Variants in LUC7L2 observed in about 807,000 individuals in gnomAD.
LUC7L2 encodes the protein LUC7 like 2, pre-mRNA splicing factor.
LUC7L2 carries 25 observed loss-of-function variants against 52.8 expected under a neutral mutation model. The observed-to-expected ratio is 0.47, with a 90% CI of 0.34 to 0.66. The LOEUF (loss-of-function observed/expected upper bound fraction) is 0.66, where lower values mean the gene tolerates loss of function less well. Ranked by LOEUF, LUC7L2 falls within the 30% of genes least tolerant of loss-of-function variation. The probability of loss-of-function intolerance (pLI) is 0.01; values close to 1 mark genes in which losing one functional copy is unlikely to be tolerated. For synonymous variants in LUC7L2, 144 were observed against 160.9 expected, an observed-to-expected ratio of 0.89 and a Z score of 0.80; for missense variants, 328 against 497.8, an observed-to-expected ratio of 0.66 and a Z score of 3.25.
At chr7:139,356,789 C>T (rs552630777), upstream of LUC7L2, among the ~76,000 whole-genome samples, 6 of 152,130 alleles carry the variant, frequency 3.9e-5, no homozygotes, top group Admixed American at 6.5e-5. Context: ...AAAAATAGGC[C>T]GTGGGCTGCA....
At chr7:139,387,881 G>A (rs760688152) in intron 2 of LUC7L2, among the ~76,000 whole-genome samples, 10 of 152,118 alleles carry the variant, frequency 6.6e-5, no homozygotes, top group African/African-American at 1.4e-4. Flanking sequence ...GCCTCACAAA[G>A]TGTTGGGATT....
At chr7:139,359,839 G>T (rs1290708726), upstream of LUC7L2, 2 of 409,168 alleles carry the variant, frequency 4.9e-6, no homozygotes, top group Admixed American at 4.4e-5. Flanking sequence ...TGATACAGCT[G>T]GACGCCAGTT....
intron 2 of LUC7L2, among the ~76,000 whole-genome samples, chr7:139,395,522 A>G (rs373128607): frequency 1.3e-5 from 2 of 152,238 alleles, no homozygotes; most frequent in East Asian, 3.8e-4. Flanking sequence ...GACTTTTATA[A>G]CAGTGATGAG....
chr7:139,381,878 A>AT (rs57302073), intron 2 of LUC7L2, among the ~76,000 whole-genome samples: 3,942 of 104,920 alleles, frequency 0.038, 184 homozygotes, highest in Admixed American at 0.097. Context: ...GCCTGGCCTA[A>AT]TTTTTTTTTT....
intron 1 of LUC7L2, among the ~76,000 whole-genome samples, chr7:139,342,970 C>G (rs1391513744): frequency 6.6e-6 from 1 of 152,198 alleles, no homozygotes; most frequent in African/African-American, 2.4e-5. Flanking sequence ...TTTCTCTATC[C>G]TTTCCCTCCG....
upstream of LUC7L2, chr7:139,359,215 G>C: frequency 6.6e-6 from 1 of 152,244 alleles, no homozygotes; most frequent in Non-Finnish European, 1.5e-5. Context: ...CGCCTCCCCA[G>C]TAGCTGAGAA....
intron 1 of LUC7L2, among the ~76,000 whole-genome samples, chr7:139,342,650 CGG>C (rs1297359325): frequency 6.6e-6 from 1 of 152,080 alleles, no homozygotes; most frequent in Non-Finnish European, 1.5e-5. Context: ...TTAGTGGAGA[CGG>C]GGTTTCTCCA....
At chr7:139,358,168 G>A (rs1441693076), upstream of LUC7L2, among the ~76,000 whole-genome samples, 2 of 151,508 alleles carry the variant, frequency 1.3e-5, no homozygotes, top group South Asian at 2.1e-4. Flanking sequence ...ATCCATGCCC[G>A]GCTAATTTTT....
In LUC7L2 at chr7:139,409,481, A is replaced by T. The variant is rs1795261839; in HGVS notation, c.688-82A>T. 2.7e-6 allele frequency: 4 copies of T among 1,490,204 alleles called. No individual in the cohort carries two copies. In the African/African-American group the frequency reaches 5.7e-5, roughly 21 times the overall value. The allele number at this position is 1,490,204 out of a possible 1,614,324, so 92.3% of individuals were successfully genotyped here. A position where few individuals can be genotyped will look rare whatever the true frequency, so the allele number is the denominator to read the frequency against. ...TTGACAGCAGTTGTACTGTATTAGA[A>T]ACCAGATAATATAAAGTTTAGGATA... is the stretch of plus-strand genomic sequence containing the variant. On this transcript the variant is annotated intron_variant, in intron 6 of 9. Transcript: ENST00000354926.
At chr7:139,399,105 C>A (rs1794785456) in intron 3 of LUC7L2, among the ~76,000 whole-genome samples, 1 of 151,798 alleles carries the variant, frequency 6.6e-6, no homozygotes, top group Non-Finnish European at 1.5e-5. Context: ...AGTTGGCCCC[C>A]CATATCTGTC....
chr7:139,375,446 C>A, intron 1 of LUC7L2: 1 of 985,410 alleles, frequency 1.0e-6, no homozygotes, highest in Admixed American at 6.1e-5. Flanking sequence ...GTGTGTAAGT[C>A]CTTCTTCCAG....
intron 1 of LUC7L2, chr7:139,374,264 C>G: frequency 1.6e-6 from 1 of 643,584 alleles, no homozygotes; most frequent in Non-Finnish European, 2.7e-6. Flanking sequence ...AATGAAACAC[C>G]CTGATTTTGT....
In LUC7L2 at chr7:139,360,010, C is replaced by T. The variant is rs897413351; in HGVS notation, c.-252C>T. 9.9e-6 allele frequency: 5 copies of T among 506,116 alleles called. No homozygotes were observed. In the South Asian group the frequency reaches 1.3e-4, roughly 13 times the overall value. The allele number at this position is 506,116 out of a possible 1,614,324, so 31.4% of individuals were successfully genotyped here. ...CTTGCTTGGCCCGTGTCGCTTCTGT[C>T]CCAAGAACCGGACGGAGAGTGAGGG... On this transcript the variant is annotated 5_prime_UTR_variant, in exon 1 of 10. Coordinates refer to ENST00000354926, the MANE Select transcript of LUC7L2 (RefSeq NM_016019.5).
At chr7:139,398,929 A>G (rs1244003446) in intron 3 of LUC7L2, among the ~76,000 whole-genome samples, 2 of 152,198 alleles carry the variant, frequency 1.3e-5, no homozygotes, top group African/African-American at 2.4e-5. Context: ...TCTTTTGGAA[A>G]TTAAGCATAT....
intron 2 of LUC7L2, among the ~76,000 whole-genome samples, chr7:139,389,808 A>G (rs1718085366): frequency 6.6e-6 from 1 of 152,208 alleles, no homozygotes; most frequent in South Asian, 2.1e-4. Context: ...CATTGAGCTT[A>G]TATCCCATTG....
intron 2 of LUC7L2, among the ~76,000 whole-genome samples, chr7:139,382,634 C>T (rs1410238661): frequency 6.6e-6 from 1 of 152,128 alleles, no homozygotes; most frequent in Non-Finnish European, 1.5e-5. Context: ...CTCTAGGGAT[C>T]CACCAGCCTA....
chr7:139,364,109 C>T (rs1367907468), intron 1 of LUC7L2, among the ~76,000 whole-genome samples: 4 of 151,296 alleles, frequency 2.6e-5, no homozygotes, highest in East Asian at 1.9e-4. Context: ...CTCAGCCTCC[C>T]GAGTAGCTGG....
chr7:139,370,558 A>C (rs753506661), intron 1 of LUC7L2, among the ~76,000 whole-genome samples: 1 of 152,178 alleles, frequency 6.6e-6, no homozygotes, highest in Non-Finnish European at 1.5e-5. Flanking sequence ...CCCAGGTTCA[A>C]GCGATTCTCC....
At chr7:139,399,870 T>G (rs1794828918) in intron 3 of LUC7L2, among the ~76,000 whole-genome samples, 2 of 151,804 alleles carry the variant, frequency 1.3e-5, no homozygotes, top group South Asian at 4.1e-4. Context: ...TATATTGCTG[T>G]TTTTATATGA....
Sources: allele counts gnomAD v4.1 joint callset (sites outside exome capture counted in the v4.1 genomes callset), GRCh38; gene constraint gnomAD v4.1.1; transcripts MANE v1.5; gene names NCBI Gene and HGNC (gene_info 2026-07-23, HGNC 2026-07-21).